The following MTREX variants were observed in gnomAD, a reference collection of about 807,000 sequenced individuals.
MTREX encodes the protein Mtr4 exosome RNA helicase.
In MTREX, 76 loss-of-function variants were observed where a neutral mutation model predicts 135.4. That is an observed-to-expected ratio of 0.56 (90% CI 0.47 to 0.68). MTREX has a LOEUF of 0.68. MTREX is among the 30% of genes least tolerant of loss of function. The probability of loss-of-function intolerance (pLI) is 0.00; values close to 1 mark genes in which losing one functional copy is unlikely to be tolerated. For synonymous variants in MTREX, 404 were observed against 401.6 expected (o/e 1.01, Z -0.07); for missense variants, 920 against 1,262.1 (o/e 0.73, Z 4.11).
chr5:55,340,347 GTT>G (rs1749624490), intron 6 of MTREX, among the ~76,000 whole-genome samples, 163 bp downstream of exon 6: 1 of 152,062 alleles, frequency 6.6e-6, no homozygotes, highest in Admixed American at 6.5e-5. Context: ...ATCTTAAAGT[GTT>G]CTGATAATAT....
chr5:55,339,975 A>T (rs1749617574), intron 5 of MTREX, 35 bp from the exon 6 acceptor site: 1 of 1,411,886 alleles, frequency 7.1e-7, no homozygotes, highest in Non-Finnish European at 9.3e-7. Flanking sequence ...AATTTAAAGG[A>T]AAAGTTGTAT....
intron 14 of MTREX, among the ~76,000 whole-genome samples, chr5:55,354,896 G>A (rs1424050090): frequency 3.3e-5 from 5 of 152,260 alleles, no homozygotes; most frequent in Admixed American, 6.5e-5. Context: ...TCAACCAACC[G>A]CACCCACCTC....
intron 15 of MTREX, among the ~76,000 whole-genome samples, chr5:55,363,424 A>G (rs1750047917): frequency 6.6e-6 from 1 of 152,144 alleles, no homozygotes; most frequent in Non-Finnish European, 1.5e-5. Context: ...CAATCTTAGT[A>G]TCTTTTCAGT....
At chr5:55,379,933 T>A (rs1394634488) in intron 18 of MTREX, among the ~76,000 whole-genome samples, 1 of 152,166 alleles carries the variant, frequency 6.6e-6, no homozygotes, top group Non-Finnish European at 1.5e-5. Context: ...ATTTTTTGTT[T>A]ATTTTTTTTC....
Position 55,386,798 on chromosome 5 carries a change from C to T in MTREX, c.2053-1176C>T, listed in dbSNP as rs1579886324. 2.6e-5 allele frequency among the ~76,000 whole-genome samples: 4 copies of T among 152,180 alleles called. No individual in the cohort carries two copies. In the East Asian group the frequency reaches 7.7e-4, roughly 29 times the overall value. ...TCCAGATACTCACATCTTCCTAACACCTTGGAGCTAATTCATCTATCACAT... is the reference window on the plus strand; with the variant it reads ...TCCAGATACTCACATCTTCCTAACATCTTGGAGCTAATTCATCTATCACAT... On this transcript the variant is annotated intron_variant, in intron 18 of 26. Coordinates refer to ENST00000230640, the MANE Select transcript of MTREX (RefSeq NM_015360.5).
Position 55,353,226 on chromosome 5 carries a change from T to G in MTREX, c.1490T>G (p.Leu497Ter). 6.2e-7 allele frequency: 1 copy of G among 1,610,572 alleles called. No individual in the cohort carries two copies. The highest frequency in any genetic ancestry group is 1.1e-5 in the South Asian group (1 of 90,484). The change falls in exon 14 of 27, where the codon TTA (leucine) becomes TGA (stop). Residue 497 changes from leucine (L) to a stop codon, truncating the protein, a stop_gained. Transcript: ENST00000230640. LOFTEE classifies it high-confidence loss of function. ...ATTAACATGCCAGCTAGAACTGTTT[T>G]ATTTACAAATGCCCGCAAATTTGAT... Reference protein sequence around the residue: ...MGINMPARTVLFTNARKFDGK... With the variant: ...MGINMPARTV
At chr5:55,349,460 A>T in intron 11 of MTREX, 113 bp from the exon 12 acceptor site, 2 of 674,128 alleles carry the variant, frequency 3.0e-6, no homozygotes, top group South Asian at 1.9e-5. Flanking sequence ...AAGTGCTAGG[A>T]TTACAAGCTT....
intron 3 of MTREX, among the ~76,000 whole-genome samples, chr5:55,324,950 T>C (rs1432131784): frequency 1.3e-5 from 2 of 152,178 alleles, no homozygotes; most frequent in Non-Finnish European, 2.9e-5. Context: ...GAAGGTTACA[T>C]GCTATTTCAT....
Position 55,388,099 on chromosome 5 carries a change from G to T in MTREX, c.2178G>T (p.Met726Ile). The T allele has an allele frequency of 6.2e-7, 1 of 1,603,714 alleles. No individual in the cohort carries two copies. Among genetic ancestry groups the T allele is most frequent in the Non-Finnish European group, 8.5e-7 (1 of 1,173,320 alleles). ...KPAKPDEKGE[M>I]QVVPVLVHLL... is the part of the protein sequence containing the mutation. ...CTAAACCTGATGAGAAAGGAGAGAT[G>T]CAGGTTTGTACATAACTTTCTGTCT... The change falls in exon 19 of 27, where the codon ATG (methionine) becomes ATT (isoleucine). Residue 726 changes from methionine (M) to isoleucine (I), a missense_variant. Met to Ile is a conservative substitution (Grantham distance 10). Coordinates refer to ENST00000230640, the MANE Select transcript of MTREX (RefSeq NM_015360.5).
chr5:55,347,630 A>AT (rs1311081795), intron 11 of MTREX, among the ~76,000 whole-genome samples: 5 of 152,240 alleles, frequency 3.3e-5, no homozygotes, highest in African/African-American at 1.2e-4. Flanking sequence ...CTATACATTA[A>AT]TTGCAAAAGT....
At chr5:55,329,867 G>T (rs887491108) in intron 5 of MTREX, among the ~76,000 whole-genome samples, 2 of 150,612 alleles carry the variant, frequency 1.3e-5, no homozygotes, top group African/African-American at 4.9e-5. Context: ...TTTTTTTCTT[G>T]TCTTTGGGTT....
chr5:55,360,581 G>A (rs1375430047), intron 15 of MTREX, among the ~76,000 whole-genome samples: 79 of 152,064 alleles, frequency 5.2e-4, no homozygotes, highest in Non-Finnish European at 7.4e-5. Context: ...CATTATATGA[G>A]GCTTCTAATT....
rs147039795 is a variant in MTREX at position 55,343,377 on chromosome 5, C to A, written c.828C>A (p.Asn276Lys). ...AAACTATTATTTTGCTTCCTGATAA[C>A]GTCCACTATGTCTTTCTTTCGGCTA... ...WEETIILLPDNVHYVFLSATI... is the reference protein window; with the variant it reads ...WEETIILLPDKVHYVFLSATI... Residue 276 changes from asparagine to lysine, a missense_variant, in exon 8 of 27, where the codon AAC (asparagine) becomes AAA (lysine). By Grantham distance (94) the Asn-to-Lys change is moderately conservative. This residue lies in a region of MTREX where 88 missense variants were observed against 202.5 expected (regional missense o/e 0.43). Transcript: ENST00000230640. 3.5e-5 allele frequency: 57 copies of A among 1,612,436 alleles called. No homozygotes were observed. The highest frequency in any genetic ancestry group is 4.2e-5 in the Non-Finnish European group (50 of 1,178,862).
chr5:55,425,573 ATTTCTACATGTGAATTAGTTT>A, exon 27 of MTREX: 1 of 454,252 alleles, frequency 2.2e-6, no homozygotes, highest in Non-Finnish European at 3.7e-6. Context: ...TAAAAGAGTT[ATTTCTACATGTGAATTAGTTT>A]TTTCAAGTCA....
intron 21 of MTREX, among the ~76,000 whole-genome samples, chr5:55,404,110 TA>T (rs781047209): frequency 7.2e-5 from 11 of 152,250 alleles, no homozygotes; most frequent in Non-Finnish European, 1.6e-4. Flanking sequence ...AGTCTCTGAA[TA>T]AATATCAGTT....
chr5:55,390,752 A>G (rs1445871148), intron 19 of MTREX, among the ~76,000 whole-genome samples: 5 of 152,210 alleles, frequency 3.3e-5, no homozygotes, highest in Non-Finnish European at 7.3e-5. Flanking sequence ...AAAAACATCT[A>G]TAAAAGGACA....
At chr5:55,372,900 G>C (rs1167718578) in intron 16 of MTREX, among the ~76,000 whole-genome samples, 1 of 140,638 alleles carries the variant, frequency 7.1e-6, no homozygotes, top group Non-Finnish European at 1.5e-5. Context: ...TAATGTGTGT[G>C]TGTGTGTGTG....
At chr5:55,379,046 C>A in intron 17 of MTREX, 81 bp from the exon 18 acceptor site, 1 of 889,782 alleles carries the variant, frequency 1.1e-6, no homozygotes, top group Non-Finnish European at 1.8e-6. Flanking sequence ...CTTTATTAGT[C>A]TAGAATGTAG....
intron 15 of MTREX, among the ~76,000 whole-genome samples, chr5:55,365,654 A>C (rs1277150468): frequency 6.6e-6 from 1 of 152,196 alleles, no homozygotes; most frequent in African/African-American, 2.4e-5. Flanking sequence ...CTCTTATTTA[A>C]ATAACTACAC....
Sources: gnomAD v4.1 joint callset for allele counts (sites outside exome capture counted in the v4.1 genomes callset) on GRCh38, gnomAD v4.1.1 for gene constraint, gnomAD v4.1.1 regional missense constraint, MANE v1.5 for transcripts, NCBI Gene and HGNC (gene_info 2026-07-23, HGNC 2026-07-21) for gene names.